Variants in DOK6 observed in about 807,000 individuals in gnomAD.
DOK6 encodes downstream of tyrosine kinase 6.
Under a neutral mutation model 44.0 loss-of-function variants are expected in DOK6, and 22 were observed. The observed-to-expected ratio is 0.50, with a 90% CI of 0.36 to 0.71. DOK6 has a LOEUF of 0.71. Ranked by LOEUF, DOK6 falls within the 30% of genes least tolerant of loss-of-function variation. The probability of loss-of-function intolerance (pLI) is 0.00; values close to 1 mark genes in which losing one functional copy is unlikely to be tolerated. For missense variants in DOK6, 340 were observed against 416.4 expected (o/e 0.82, Z 1.60); for synonymous variants, 166 against 145.5 (o/e 1.14, Z -1.01).
At chr18:69,466,654 C>G (rs570069879) in intron 1 of DOK6, among the ~76,000 whole-genome samples, 28 of 146,696 alleles carry the variant, frequency 1.9e-4, no homozygotes, top group African/African-American at 6.3e-4. Flanking sequence ...TTTTCAAAAA[C>G]AAAAAAAAAG....
At chr18:69,550,963 T>C (rs1439625301) in intron 1 of DOK6, among the ~76,000 whole-genome samples, 1 of 151,884 alleles carries the variant, frequency 6.6e-6, no homozygotes, top group Non-Finnish European at 1.5e-5. Context: ...TTTGTGTTTT[T>C]AGTAGAGACA....
intron 3 of DOK6, among the ~76,000 whole-genome samples, chr18:69,624,894 T>C (rs193261270): frequency 2.7e-4 from 41 of 152,244 alleles, no homozygotes; most frequent in African/African-American, 9.1e-4. Flanking sequence ...CTTCTTTACA[T>C]GTTTTCCCAA....
intron 7 of DOK6, among the ~76,000 whole-genome samples, chr18:69,791,184 G>T (rs555443355): frequency 1.1e-4 from 16 of 152,136 alleles, no homozygotes; most frequent in African/African-American, 3.9e-4. Flanking sequence ...TCTAAATCTG[G>T]GTTATTGTCA....
At chr18:69,665,894 C>T (rs953076959) in intron 3 of DOK6, among the ~76,000 whole-genome samples, 2 of 151,944 alleles carry the variant, frequency 1.3e-5, no homozygotes, top group African/African-American at 4.8e-5. Context: ...GGTGGGAGAA[C>T]CACCCCTTTG....
chr18:69,696,781 A>C (rs1986399333), intron 4 of DOK6, among the ~76,000 whole-genome samples: 1 of 152,216 alleles, frequency 6.6e-6, no homozygotes, highest in Non-Finnish European at 1.5e-5. Context: ...AGTGTGAATT[A>C]TGATGGGAAT....
At chr18:69,698,290 G>C in intron 4 of DOK6, 114 bp from the exon 5 acceptor site, 1 of 877,840 alleles carries the variant, frequency 1.1e-6, no homozygotes, top group East Asian at 2.7e-5. Context: ...ATATCACCTA[G>C]GGAGGATGTG....
intron 3 of DOK6, among the ~76,000 whole-genome samples, chr18:69,650,775 T>C (rs1199941696): frequency 6.6e-6 from 1 of 152,168 alleles, no homozygotes; most frequent in African/African-American, 2.4e-5. Context: ...CCATTAAAAA[T>C]ATATAACCAA....
At chr18:69,497,220 C>A (rs909880521) in intron 1 of DOK6, among the ~76,000 whole-genome samples, 1 of 152,170 alleles carries the variant, frequency 6.6e-6, no homozygotes, top group Non-Finnish European at 1.5e-5. Context: ...ACCTTCTAAA[C>A]AGCATTTGTC....
intron 1 of DOK6, among the ~76,000 whole-genome samples, chr18:69,473,219 T>A (rs1980166426): frequency 6.6e-6 from 1 of 152,206 alleles, no homozygotes; most frequent in Non-Finnish European, 1.5e-5. Context: ...ACTGTTAAAT[T>A]TGAATGTCAG....
chr18:69,765,737 G>T (rs993670546), intron 7 of DOK6, among the ~76,000 whole-genome samples: 3 of 152,158 alleles, frequency 2.0e-5, no homozygotes, highest in Admixed American at 6.5e-5. Flanking sequence ...ATATACCGGA[G>T]TTTGAATATT....
intron 1 of DOK6, among the ~76,000 whole-genome samples, chr18:69,428,844 A>C (rs1245204992): frequency 6.6e-6 from 1 of 152,264 alleles, no homozygotes; most frequent in Non-Finnish European, 1.5e-5. Flanking sequence ...TATATTTTAC[A>C]TCAATGATGA....
Position 69,529,204 on chromosome 18 carries a change from G to A in DOK6, c.67-35283G>A, listed in dbSNP as rs560509569. Among the ~76,000 whole-genome samples, 15 of 152,270 alleles carry A rather than the reference G, an allele frequency of 9.9e-5. No individual in the cohort carries two copies. The South Asian group carries it at 3.1e-3, about 32-fold the overall frequency. On this transcript the variant is annotated intron_variant, in intron 1 of 7. Transcript: ENST00000382713. ...AGTGATATACCAGGAATTATTGAAA[G>A]CATCATAATTTTTATTCCAGTCTTT...
At chr18:69,411,937 T>C (rs1389518694) in intron 1 of DOK6, among the ~76,000 whole-genome samples, 1 of 152,188 alleles carries the variant, frequency 6.6e-6, no homozygotes, top group Non-Finnish European at 1.5e-5. Context: ...TTTCTTTCAG[T>C]TTGCTAATTT....
chr18:69,773,312 A>G (rs534286166), intron 7 of DOK6, among the ~76,000 whole-genome samples: 1 of 152,126 alleles, frequency 6.6e-6, no homozygotes, highest in Non-Finnish European at 1.5e-5. Context: ...AAATAGAAAT[A>G]CATAAAATCC....
chr18:69,838,763 T>C (rs1342613345), intron 7 of DOK6, among the ~76,000 whole-genome samples: 1 of 151,410 alleles, frequency 6.6e-6, no homozygotes, highest in Non-Finnish European at 1.5e-5. Flanking sequence ...AAATCTCCCC[T>C]AGCCCCTCCC....
intron 4 of DOK6, among the ~76,000 whole-genome samples, chr18:69,686,309 A>T (rs780493582): frequency 2.0e-5 from 3 of 152,032 alleles, no homozygotes; most frequent in Non-Finnish European, 4.4e-5. Flanking sequence ...TTGTATATAT[A>T]TTTTTTAATT....
chr18:69,674,321 T>C (rs1307907106), intron 3 of DOK6, among the ~76,000 whole-genome samples: 1 of 152,176 alleles, frequency 6.6e-6, no homozygotes. Context: ...GGTTAATACT[T>C]TTGAGGTGAA....
intron 4 of DOK6, among the ~76,000 whole-genome samples, chr18:69,691,227 A>G (rs949736659): frequency 2.0e-5 from 3 of 151,330 alleles, no homozygotes; most frequent in African/African-American, 7.3e-5. Context: ...AAATAAATAA[A>G]TAAAAATATA....
At chr18:69,432,517 G>C (rs1296954146) in intron 1 of DOK6, among the ~76,000 whole-genome samples, 1 of 152,194 alleles carries the variant, frequency 6.6e-6, no homozygotes, top group African/African-American at 2.4e-5. Flanking sequence ...CCCATAAACT[G>C]AGTGAAGAGT....
Sources: gnomAD v4.1 joint callset for allele counts (sites outside exome capture counted in the v4.1 genomes callset) on GRCh38, gnomAD v4.1.1 for gene constraint, MANE v1.5 for transcripts, NCBI Gene and HGNC (gene_info 2026-07-23, HGNC 2026-07-21) for gene names.